The following RBFOX1 variants were observed in gnomAD, a reference collection of about 807,000 sequenced individuals.
RBFOX1 encodes RNA binding protein fox-1 homolog 1.
RBFOX1 carries 8 observed loss-of-function variants against 57.7 expected under a neutral mutation model. The observed-to-expected ratio is 0.14, with a 90% confidence interval of 0.08 to 0.25. The LOEUF (loss-of-function observed/expected upper bound fraction) is 0.25. RBFOX1 is among the 10% of genes least tolerant of loss of function. The pLI is 1.00. For synonymous variants in RBFOX1, 326 were observed against 222.4 expected (o/e 1.47, Z -4.15); for missense variants, 611 against 548.5 (o/e 1.11, Z -1.14).
chr16:6,564,986 C>A (rs1217943350), intron 2 of RBFOX1, among the ~76,000 whole-genome samples: 1 of 151,830 alleles, frequency 6.6e-6, no homozygotes, highest in South Asian at 2.1e-4. Flanking sequence ...ACTAAAAATA[C>A]AAAAATTAGC....
chr16:5,274,293 C>T (rs770130654), intron 1 of RBFOX1, among the ~76,000 whole-genome samples: 2 of 152,124 alleles, frequency 1.3e-5, no homozygotes, highest in Non-Finnish European at 2.9e-5. Flanking sequence ...CTTTGGGAGG[C>T]CGAGGTGGGC....
intron 3 of RBFOX1, among the ~76,000 whole-genome samples, chr16:6,670,919 G>A (rs1234446159): frequency 3.3e-5 from 5 of 152,112 alleles, no homozygotes; most frequent in Non-Finnish European, 5.9e-5. Flanking sequence ...AGAGAGGCGT[G>A]AACCCAGGAG....
intron 4 of RBFOX1, among the ~76,000 whole-genome samples, chr16:7,493,408 C>T (rs779369710): frequency 2.0e-5 from 3 of 152,186 alleles, no homozygotes; most frequent in Non-Finnish European, 2.9e-5. Context: ...AATCTGTCCA[C>T]ATCATAATCA....
At chr16:6,388,476 T>A (rs565397848) in intron 2 of RBFOX1, among the ~76,000 whole-genome samples, 21 of 152,248 alleles carry the variant, frequency 1.4e-4, no homozygotes, top group African/African-American at 5.1e-4. Flanking sequence ...TTTTACTTAT[T>A]ATTTATTATT....
chr16:5,597,860 G>C (rs1280558594), intron 2 of RBFOX1, among the ~76,000 whole-genome samples: 1 of 152,178 alleles, frequency 6.6e-6, no homozygotes, highest in Non-Finnish European at 1.5e-5. Context: ...TTCAAGCTGA[G>C]GCTCCACTGC....
chr16:6,254,362 T>A (rs1055412932), intron 1 of RBFOX1, among the ~76,000 whole-genome samples: 1 of 152,180 alleles, frequency 6.6e-6, no homozygotes, highest in Non-Finnish European at 1.5e-5. Flanking sequence ...ATCATGAGAA[T>A]CATTAAAGAG....
In RBFOX1 at chr16:7,470,981, G is replaced by A. The variant is rs1599256164; in HGVS notation, c.28-47166G>A. Among the ~76,000 whole-genome samples the A allele has an allele frequency of 3.3e-5, 5 of 151,730 alleles. No homozygotes were observed. The South Asian group carries it at 1.0e-3, about 32-fold the overall frequency. ...TTAAATCAATGACAGTCTTTTCCAT[G>A]ATCCTACTGCCAAGATAGATTTTAT... On this transcript the variant is annotated intron_variant, in intron 4 of 15. Coordinates refer to ENST00000550418, the MANE Select transcript of RBFOX1 (RefSeq NM_018723.4).
intron 3 of RBFOX1, among the ~76,000 whole-genome samples, chr16:5,707,940 A>G (rs1052536184): frequency 6.6e-6 from 1 of 152,178 alleles, no homozygotes; most frequent in East Asian, 1.9e-4. Context: ...TCTAAGCTTT[A>G]GTTTTCTATT....
chr16:7,493,405 C>G (rs1010539620), intron 4 of RBFOX1, among the ~76,000 whole-genome samples: 1 of 152,196 alleles, frequency 6.6e-6, no homozygotes. Context: ...ACAAATCTGT[C>G]CACATCATAA....
intron 4 of RBFOX1, among the ~76,000 whole-genome samples, chr16:5,949,544 A>AG (rs2059477091): frequency 2.6e-5 from 1 of 38,000 alleles, no homozygotes; most frequent in Non-Finnish European, 4.6e-5. Flanking sequence ...AAAAAAAAAA[A>AG]AGAAAAGAAT....
At chr16:7,090,648 T>C (rs1321076979) in intron 4 of RBFOX1, among the ~76,000 whole-genome samples, 1 of 152,084 alleles carries the variant, frequency 6.6e-6, no homozygotes. Context: ...TTGTATTTTA[T>C]TTTCCCTGAG....
chr16:5,841,495 AC>A (rs2151847280), intron 3 of RBFOX1, among the ~76,000 whole-genome samples: 1 of 152,350 alleles, frequency 6.6e-6, no homozygotes, highest in Non-Finnish European at 1.5e-5. Flanking sequence ...GCCAGATATA[AC>A]AAGTAAAATA....
At position 6,073,477 on chromosome 16, in the gene RBFOX1, T is replaced by G. The variant is rs112334811; in HGVS notation, c.-127+53485T>G. Reference sequence around the variant, plus strand: ...GGAAGTTCATTACTGCTATTATTATTTTTTCCAAGTGTATGCTAATAGGAA... The same window carrying G: ...GGAAGTTCATTACTGCTATTATTATGTTTTCCAAGTGTATGCTAATAGGAA... On this transcript the variant is annotated intron_variant, in intron 1 of 15. Coordinates refer to ENST00000550418, the MANE Select transcript of RBFOX1 (RefSeq NM_018723.4). Among the ~76,000 whole-genome samples the G allele has an allele frequency of 1.8e-3, 269 of 152,300 alleles. 3 individuals are homozygous for G. The highest frequency in any genetic ancestry group is 6.2e-3 in the African/African-American group (259 of 41,558).
intron 8 of RBFOX1, among the ~76,000 whole-genome samples, chr16:7,596,288 C>G (rs1228649696): frequency 1.3e-5 from 2 of 151,056 alleles, no homozygotes; most frequent in Non-Finnish European, 2.9e-5. Context: ...AGCATAAATA[C>G]CAAAATACTG....
intron 3 of RBFOX1, among the ~76,000 whole-genome samples, chr16:6,920,518 C>G (rs1210704837): frequency 1.3e-5 from 2 of 152,172 alleles, no homozygotes; most frequent in African/African-American, 4.8e-5. Flanking sequence ...TTGCCAAGGG[C>G]TACCATAACA....
At chr16:7,025,311 G>C (rs955993774) in intron 3 of RBFOX1, among the ~76,000 whole-genome samples, 7 of 152,134 alleles carry the variant, frequency 4.6e-5, no homozygotes. Flanking sequence ...CAGTGAGGAC[G>C]ACCAGAGGTC....
chr16:6,435,143 G>A (rs1339017510), intron 2 of RBFOX1, among the ~76,000 whole-genome samples: 5 of 152,016 alleles, frequency 3.3e-5, no homozygotes, highest in Non-Finnish European at 7.3e-5. Flanking sequence ...GGATTTGCTT[G>A]CCATCACTTT....
intron 2 of RBFOX1, among the ~76,000 whole-genome samples, chr16:6,341,142 A>G (rs1318925715): frequency 6.6e-6 from 1 of 152,186 alleles, no homozygotes; most frequent in African/African-American, 2.4e-5. Flanking sequence ...TTAAAAGTCT[A>G]ACATGGGTCT....
chr16:5,888,373 T>A (rs2057952648), intron 4 of RBFOX1, among the ~76,000 whole-genome samples: 1 of 152,208 alleles, frequency 6.6e-6, no homozygotes, highest in Admixed American at 6.5e-5. Context: ...TATGATCATT[T>A]TACTCATTAT....
Sources: gnomAD v4.1 joint callset for allele counts (sites outside exome capture counted in the v4.1 genomes callset) on GRCh38, gnomAD v4.1.1 for gene constraint, MANE v1.5 for transcripts, NCBI Gene and HGNC (gene_info 2026-07-23, HGNC 2026-07-21) for gene names.